EPM2A: variants seen among roughly 807,000 people sequenced by gnomAD.
EPM2A encodes laforin.
EPM2A carries 21 observed loss-of-function variants against 26.5 expected under a neutral mutation model. The ratio of observed to expected loss-of-function variants is 0.79; its 90% confidence interval spans 0.56 to 1.14. The LOEUF (loss-of-function observed/expected upper bound fraction) is 1.14, where lower values mean the gene tolerates loss of function less well. EPM2A is among the 50% of genes most tolerant of loss of function. The pLI is 0.00. For synonymous variants in EPM2A, 217 were observed against 177.6 expected (o/e 1.22, Z -1.76); for missense variants, 458 against 440.8 (o/e 1.04, Z -0.35).
chr6:145,718,885 C>T (rs1775792255), intron 1 of EPM2A, among the ~76,000 whole-genome samples: 1 of 152,172 alleles, frequency 6.6e-6, no homozygotes, highest in African/African-American at 2.4e-5. Flanking sequence ...CTCATCATCA[C>T]TGGCCATCAG....
chr6:145,488,547 G>A (rs1317567510), intron 4 of EPM2A, among the ~76,000 whole-genome samples: 1 of 149,062 alleles, frequency 6.7e-6, no homozygotes, highest in Non-Finnish European at 1.5e-5. Flanking sequence ...GAGAGAGAGA[G>A]AGATACTTTA....
At chr6:145,515,407 A>C (rs1780112366) in intron 2 of EPM2A, among the ~76,000 whole-genome samples, 1 of 152,152 alleles carries the variant, frequency 6.6e-6, no homozygotes, top group South Asian at 2.1e-4. Flanking sequence ...CTGTAGTAGA[A>C]TACTACAGAC....
intron 2 of EPM2A, among the ~76,000 whole-genome samples, chr6:145,593,001 A>C (rs1389747483): frequency 6.6e-6 from 1 of 152,168 alleles, no homozygotes; most frequent in African/African-American, 2.4e-5. Context: ...ACCAATTAAA[A>C]GACAGAGATT....
intron 1 of EPM2A, chr6:145,705,533 C>G (rs1011735984): frequency 6.6e-6 from 3 of 455,998 alleles, no homozygotes; most frequent in South Asian, 4.7e-5. Context: ...CCAGCCTGGG[C>G]GACAGACTGA....
At chr6:145,559,634 T>C (rs1025230918) in intron 2 of EPM2A, among the ~76,000 whole-genome samples, 24 of 151,640 alleles carry the variant, frequency 1.6e-4, no homozygotes, top group African/African-American at 5.3e-4. Flanking sequence ...TCTTCACAAT[T>C]TTGCCTATGG....
intron 4 of EPM2A, among the ~76,000 whole-genome samples, chr6:145,387,996 A>G (rs561970459): frequency 6.6e-6 from 1 of 152,280 alleles, no homozygotes; most frequent in Admixed American, 6.5e-5. Flanking sequence ...GGTGTTAACC[A>G]CACAGGCATA....
At chr6:145,681,152 G>C (rs1196507993) in intron 2 of EPM2A, among the ~76,000 whole-genome samples, 4 of 151,738 alleles carry the variant, frequency 2.6e-5, no homozygotes, top group Non-Finnish European at 5.9e-5. Flanking sequence ...GTGATGATGA[G>C]CATTTTTTCA....
chr6:145,668,410 A>C (rs886205884), intron 2 of EPM2A, among the ~76,000 whole-genome samples: 9 of 152,228 alleles, frequency 5.9e-5, no homozygotes, highest in Admixed American at 5.9e-4. Context: ...AGAGAAAAAA[A>C]GGTTTCAGGT....
At chr6:145,431,823 A>C (rs1778925000) in intron 4 of EPM2A, among the ~76,000 whole-genome samples, 1 of 152,182 alleles carries the variant, frequency 6.6e-6, no homozygotes, top group African/African-American at 2.4e-5. Flanking sequence ...TTTTTGACTT[A>C]ATAGCATTTT....
Position 145,735,280 on chromosome 6 carries a change from C to T in EPM2A, c.219G>A (p.Gln73=). 6.7e-7 allele frequency: 1 copy of T among 1,495,228 alleles called. No individual in the cohort carries two copies. Among genetic ancestry groups the T allele is most frequent in the Non-Finnish European group, 8.9e-7 (1 of 1,120,004 alleles). The allele number at this position is 1,495,228 out of a possible 1,614,324, so 92.6% of individuals were successfully genotyped here. The change falls in exon 1 of 4, where the codon CAG becomes CAA. Residue 73 remains glutamine (Q), a synonymous_variant. Transcript: ENST00000367519. The part of the protein sequence containing the change: ...EVELAAEEAA[Q]DGAEPGRVDT... ...CCACGCGGCCCGGCTCCGCCCCGTC[C>T]TGCGCCGCCTCCTCGGCCGCCAGCT...
chr6:145,387,051 G>T (rs1193191105), intron 4 of EPM2A, among the ~76,000 whole-genome samples: 1 of 152,014 alleles, frequency 6.6e-6, no homozygotes, highest in Non-Finnish European at 1.5e-5. Flanking sequence ...AAATTTCTTG[G>T]CCAAACCCAA....
chr6:145,427,121 C>G (rs930281282), intron 4 of EPM2A, among the ~76,000 whole-genome samples: 6 of 152,186 alleles, frequency 3.9e-5, no homozygotes, highest in African/African-American at 1.4e-4. Flanking sequence ...CATCATTCAA[C>G]AAATTCCATC....
chr6:145,393,452 A>G (rs1778363745), intron 4 of EPM2A, among the ~76,000 whole-genome samples: 1 of 152,150 alleles, frequency 6.6e-6, no homozygotes, highest in Non-Finnish European at 1.5e-5. Flanking sequence ...AATCCTGATC[A>G]TCATAAAGAA....
intron 2 of EPM2A, among the ~76,000 whole-genome samples, chr6:145,536,752 T>C (rs1780437899): frequency 1.3e-5 from 2 of 152,204 alleles, no homozygotes; most frequent in African/African-American, 4.8e-5. Context: ...CCTTTGTCCT[T>C]CTTGGAACTG....
At chr6:145,452,620 C>A (rs1303733030) in intron 4 of EPM2A, among the ~76,000 whole-genome samples, 2 of 143,544 alleles carry the variant, frequency 1.4e-5, no homozygotes, top group African/African-American at 5.2e-5. Flanking sequence ...TGCAGGGAGG[C>A]GGAGCTTGCA....
intron 2 of EPM2A, among the ~76,000 whole-genome samples, chr6:145,578,839 C>A (rs6914203): frequency 0.45 from 68,381 of 151,904 alleles, 16,141 homozygotes; most frequent in African/African-American, 0.57. Context: ...AAATCTTTAC[C>A]CTCATCTTCA....
rs534380375 is a variant in EPM2A at position 145,635,610 on chromosome 6, T to G, written c.477-124A>C. On this transcript the variant is annotated intron_variant, in intron 2 of 3. Transcript: ENST00000367519. ...TAAGTCTGGCACAGGAAAAGCTAGA[T>G]ATTTTAGAATATGAACACCAATGTT... The G allele has an allele frequency of 1.7e-3, 1,535 of 900,582 alleles. 34 individuals are homozygous for G. In the South Asian group the frequency reaches 0.021, roughly 12 times the overall value. The allele number at this position is 900,582 out of a possible 1,614,324, so 55.8% of individuals were successfully genotyped here. A position where few individuals can be genotyped will look rare whatever the true frequency, so the allele number is the denominator to read the frequency against.
chr6:145,509,730 T>C (rs1256891095), intron 2 of EPM2A, among the ~76,000 whole-genome samples: 1 of 152,080 alleles, frequency 6.6e-6, no homozygotes, highest in Non-Finnish European at 1.5e-5. Flanking sequence ...AACCACTATA[T>C]CAATATTAAC....
At chr6:145,686,033 C>T (rs1426697049) in intron 2 of EPM2A, 89 bp downstream of exon 2, 3 of 1,195,350 alleles carry the variant, frequency 2.5e-6, no homozygotes, top group Non-Finnish European at 3.7e-6. Context: ...AAGTGAGGCA[C>T]TGCAGTTTCG....
Sources: allele counts gnomAD v4.1 joint callset (sites outside exome capture counted in the v4.1 genomes callset), GRCh38; gene constraint gnomAD v4.1.1; transcripts MANE v1.5; gene names NCBI Gene and HGNC (gene_info 2026-07-23, HGNC 2026-07-21).